The following PLPPR4 variants were observed in gnomAD, a reference collection of about 807,000 sequenced individuals.
PLPPR4 encodes phospholipid phosphatase-related protein type 4.
PLPPR4 carries 24 observed loss-of-function variants against 56.6 expected under a neutral mutation model. That is an observed-to-expected ratio of 0.42 (90% CI 0.31 to 0.60). The LOEUF is 0.60. Ranked by LOEUF, PLPPR4 falls within the 20% of genes least tolerant of loss-of-function variation. The pLI is 0.13. For missense variants in PLPPR4, 654 were observed against 885.8 expected (o/e 0.74, Z 3.32); for synonymous variants, 326 against 328.1 (o/e 0.99, Z 0.07).
chr1:99,292,993 A>G (rs1659659939), intron 2 of PLPPR4, among the ~76,000 whole-genome samples: 1 of 152,100 alleles, frequency 6.6e-6, no homozygotes, highest in Admixed American at 6.6e-5. Context: ...TTTCTTTTCT[A>G]TCTTTAGGGT....
intron 1 of PLPPR4, among the ~76,000 whole-genome samples, chr1:99,274,795 G>C (rs1371663184): frequency 6.6e-6 from 1 of 152,108 alleles, no homozygotes; most frequent in African/African-American, 2.4e-5. Context: ...CCCATAATCT[G>C]TAAGCCACTG....
Position 99,299,276 on chromosome 1 carries a change from T to G in PLPPR4, c.590+46T>G, listed in dbSNP as rs1362188330. The G allele has an allele frequency of 2.9e-6, 4 of 1,398,570 alleles. No homozygotes were observed. In the South Asian group the frequency reaches 4.7e-5, roughly 16 times the overall value. 86.6% of individuals were successfully genotyped at this position (1,398,570 alleles called of 1,614,324 possible). ...CACTCTGCATCATTGTTTTCATTAT[T>G]CAATTGCTGCTTGGAGTATCACTTT... On this transcript the variant is annotated intron_variant, in intron 4 of 6. Coordinates refer to ENST00000370185, the MANE Select transcript of PLPPR4 (RefSeq NM_014839.5).
At chr1:99,279,064 A>G (rs1659259718) in intron 1 of PLPPR4, among the ~76,000 whole-genome samples, 3 of 152,322 alleles carry the variant, frequency 2.0e-5, no homozygotes, top group African/African-American at 7.2e-5. Flanking sequence ...AGAATGTCTC[A>G]ACATTTGGTA....
At position 99,300,371 on chromosome 1, in the gene PLPPR4, A is replaced by G. The variant is rs190354877; in HGVS notation, c.591-538A>G. ...ATGAAATTATTGTAAAGTGTACTAC[A>G]TTTTGTTAATTTTGTAGAGAAACAT... is the stretch of plus-strand genomic sequence containing the variant. On this transcript the variant is annotated intron_variant, in intron 4 of 6. Transcript: ENST00000370185. Among the ~76,000 whole-genome samples the G allele has an allele frequency of 3.3e-5, 5 of 152,120 alleles. No homozygotes were observed. The South Asian group carries it at 8.3e-4, about 25-fold the overall frequency.
Position 99,305,822 on chromosome 1 carries a change from A to G in PLPPR4, c.960A>G (p.Gly320=). 1 of 1,614,096 alleles carries G rather than the reference A, an allele frequency of 6.2e-7. No homozygotes were observed. ...LSAKNGSSSD[G]IAHTEGILNR... is the part of the protein sequence containing the mutation. ...CTAAAAATGGTAGCAGCAGTGATGG[A>G]ATTGCTCATACAGAAGGCATCCTCA... Residue 320 remains glycine, a synonymous_variant, in exon 7 of 7, where the codon GGA becomes GGG. Coordinates refer to ENST00000370185, the MANE Select transcript of PLPPR4 (RefSeq NM_014839.5).
At chr1:99,289,521 A>G (rs369651173) in intron 2 of PLPPR4, among the ~76,000 whole-genome samples, 6 of 152,210 alleles carry the variant, frequency 3.9e-5, no homozygotes, top group African/African-American at 1.4e-4. Context: ...CATTACTAGA[A>G]CTATTAATAA....
At chr1:99,298,222 C>A (rs1276989234) in intron 3 of PLPPR4, among the ~76,000 whole-genome samples, 1 of 152,086 alleles carries the variant, frequency 6.6e-6, no homozygotes, top group African/African-American at 2.4e-5. Flanking sequence ...AGAATGCAAG[C>A]TGTCAAGTCA....
chr1:99,290,862 C>G (rs1659598938), intron 2 of PLPPR4, among the ~76,000 whole-genome samples: 1 of 152,008 alleles, frequency 6.6e-6, no homozygotes, highest in Non-Finnish European at 1.5e-5. Flanking sequence ...TTAGGCAGTA[C>G]CATTCAAGTC....
At position 99,264,626 on chromosome 1, in the gene PLPPR4, G is replaced by T; in HGVS notation, c.33G>T (p.Val11=). 1 of 1,550,732 alleles carries T rather than the reference G, an allele frequency of 6.4e-7. No individual in the cohort carries two copies. Among genetic ancestry groups the T allele is most frequent in the South Asian group, 1.2e-5 (1 of 84,066 alleles). MSAKERPKGK[V]IKDSVTLLPC... is the part of the protein sequence containing the mutation. ...CGAAGGAGAGGCCAAAGGGCAAAGT[G>T]ATCAAGGACAGCGTCACCCTCCTGC... is the stretch of plus-strand genomic sequence containing the variant. Residue 11 remains valine, a synonymous_variant, in exon 1 of 7, where the codon GTG becomes GTT. Transcript: ENST00000370185.
At chr1:99,279,537 G>A (rs1659272317) in intron 1 of PLPPR4, among the ~76,000 whole-genome samples, 1 of 152,180 alleles carries the variant, frequency 6.6e-6, no homozygotes, top group East Asian at 1.9e-4. Flanking sequence ...TGATTTGAAA[G>A]TGCCTGCCAC....
chr1:99,264,406 C>G (rs1658835582), upstream of PLPPR4: 1 of 1,430,580 alleles, frequency 7.0e-7, no homozygotes, highest in Non-Finnish European at 9.2e-7. Context: ...CAGGGAATAG[C>G]TGGGTTGCTG....
chr1:99,305,745 G>C lies in PLPPR4; in HGVS notation c.883G>C (p.Ala295Pro), dbSNP rs1222074823. Residue 295 changes from alanine to proline, a missense_variant, in exon 7 of 7, where the codon GCC becomes CCC. Around this residue, in one of 2 missense-constraint regions of PLPPR4, gnomAD observed 468 missense variants for 554.3 expected, o/e 0.84. Coordinates refer to ENST00000370185, the MANE Select transcript of PLPPR4 (RefSeq NM_014839.5). ...SDESMFQHRD[A>P]LRSLTDLNQD... ...TGAGAGTATGTTTCAGCACAGAGAC[G>C]CCCTCAGGTCTCTGACAGACCTCAA... The C allele has an allele frequency of 1.2e-6, 2 of 1,613,596 alleles. No individual in the cohort carries two copies.
intron 1 of PLPPR4, among the ~76,000 whole-genome samples, chr1:99,282,234 C>A (rs1181320887): frequency 1.3e-5 from 2 of 152,178 alleles, no homozygotes; most frequent in East Asian, 3.9e-4. Flanking sequence ...TGAAATCAAC[C>A]TTTATTGTTT....
chr1:99,305,254 C>G (rs536915047), intron 6 of PLPPR4, among the ~76,000 whole-genome samples: 1 of 152,244 alleles, frequency 6.6e-6, no homozygotes, highest in African/African-American at 2.4e-5. Flanking sequence ...ATTTTGTACA[C>G]TTCTTCTACT....
intron 1 of PLPPR4, among the ~76,000 whole-genome samples, chr1:99,275,514 G>A (rs948448462): frequency 2.0e-5 from 3 of 152,170 alleles, no homozygotes; most frequent in Non-Finnish European, 2.9e-5. Flanking sequence ...CAATAAATCT[G>A]TGATGGATTC....
intron 3 of PLPPR4, among the ~76,000 whole-genome samples, chr1:99,297,810 G>C (rs1659780576): frequency 6.6e-6 from 1 of 152,002 alleles, no homozygotes; most frequent in African/African-American, 2.4e-5. Flanking sequence ...TAAAACTCCA[G>C]GACATGTAGC....
At chr1:99,294,786 T>C (rs1196832966) in intron 2 of PLPPR4, among the ~76,000 whole-genome samples, 2 of 152,116 alleles carry the variant, frequency 1.3e-5, no homozygotes, top group Non-Finnish European at 2.9e-5. Context: ...CACACTTTTC[T>C]ATACAGATAA....
intron 2 of PLPPR4, 28 bp from the exon 3 acceptor site, chr1:99,296,710 C>A: frequency 6.5e-7 from 1 of 1,548,072 alleles, no homozygotes; most frequent in Admixed American, 1.8e-5. Context: ...CAACATGCCT[C>A]TTCCTGAATA....
intron 1 of PLPPR4, among the ~76,000 whole-genome samples, chr1:99,274,660 C>T (rs1659138535): frequency 6.6e-6 from 1 of 152,062 alleles, no homozygotes; most frequent in African/African-American, 2.4e-5. Flanking sequence ...ATAGAGACCA[C>T]TTTTTTTCAG....
Sources: allele counts gnomAD v4.1 joint callset (sites outside exome capture counted in the v4.1 genomes callset), GRCh38; gene constraint gnomAD v4.1.1; regional missense constraint gnomAD v4.1.1; transcripts MANE v1.5; gene names NCBI Gene and HGNC (gene_info 2026-07-23, HGNC 2026-07-21).